The following PRKRA variants were observed in gnomAD, a reference collection of about 807,000 sequenced individuals.
PRKRA encodes protein activator of interferon induced protein kinase EIF2AK2.
A neutral mutation model predicts 32.4 loss-of-function variants in PRKRA; 22 were observed. The observed-to-expected ratio is 0.68, with a 90% CI of 0.49 to 0.97. The LOEUF (loss-of-function observed/expected upper bound fraction) is 0.97, where lower values mean the gene tolerates loss of function less well. Among genes scored for constraint, PRKRA ranks in the 50% least tolerant of loss-of-function variants. PRKRA has a pLI of 0.00. For synonymous variants in PRKRA, 139 were observed against 129.8 expected, an observed-to-expected ratio of 1.07 and a Z score of -0.48; for missense variants, 319 against 375.6, an observed-to-expected ratio of 0.85 and a Z score of 1.25.
chr2:178,432,299 T>C, intron 7 of PRKRA, 45 bp from the exon 8 acceptor site: 1 of 1,610,842 alleles, frequency 6.2e-7, no homozygotes, highest in Non-Finnish European at 8.5e-7. Context: ...CCAATATGTA[T>C]AAAGTGGATC....
In PRKRA at chr2:178,441,593, C is replaced by T; in HGVS notation, c.609+17G>A. 1 of 721,812 alleles carries T rather than the reference C, an allele frequency of 1.4e-6. No individual in the cohort carries two copies. The highest frequency in any genetic ancestry group is 2.0e-6 in the Non-Finnish European group (1 of 490,728). 44.7% of individuals were successfully genotyped at this position (721,812 alleles called of 1,614,324 possible). On this transcript the variant is annotated intron_variant, in intron 6 of 7. Transcript: ENST00000325748. ...ATGCTTAATGACATTAACATCATAG[C>T]TGTCAACATTACTCACTAAAGAAAT...
chr2:178,433,223 TG>T (rs1696742394), intron 7 of PRKRA, among the ~76,000 whole-genome samples: 1 of 152,228 alleles, frequency 6.6e-6, no homozygotes, highest in Non-Finnish European at 1.5e-5. Flanking sequence ...AATATTTCAT[TG>T]GAAGGACAGT....
In PRKRA at chr2:178,444,470, G is replaced by T. The variant is rs752108367; in HGVS notation, c.348C>A (p.Asp116Glu). 1.9e-6 allele frequency: 3 copies of T among 1,606,766 alleles called. No homozygotes were observed. The African/African-American group carries it at 4.0e-5, about 22-fold the overall frequency. The change falls in exon 4 of 8, where the codon GAC becomes GAA. Residue 116 changes from aspartate to glutamate, a missense_variant. Asp to Glu is a conservative substitution (Grantham distance 45, BLOSUM62 2). Coordinates refer to ENST00000325748, the MANE Select transcript of PRKRA (RefSeq NM_003690.5). ...GCTGGTTCTTTGGTTGCTTGGAAGGGTCAGGCATTAAGGGGTCAGGAACTG... is the reference window on the plus strand; with the variant it reads ...GCTGGTTCTTTGGTTGCTTGGAAGGTTCAGGCATTAAGGGGTCAGGAACTG... ...CFAVPDPLMPDPSKQPKNQLN... is the reference protein window; with the variant it reads ...CFAVPDPLMPEPSKQPKNQLN...
At chr2:178,441,979 G>A (rs1697135148) in intron 5 of PRKRA, among the ~76,000 whole-genome samples, 1 of 149,734 alleles carries the variant, frequency 6.7e-6, no homozygotes, top group African/African-American at 2.5e-5. Context: ...TCCGCCTCCT[G>A]GGTTCAAGCA....
In PRKRA at chr2:178,444,553, A is replaced by C. The variant is rs1697245816; in HGVS notation, c.318-53T>G. On this transcript the variant is annotated intron_variant, in intron 3 of 7. Coordinates refer to ENST00000325748, the MANE Select transcript of PRKRA (RefSeq NM_003690.5). Reference sequence around the variant, plus strand: ...ACAAAATAATTTCCCCCGAATTATGAAATAAATGACAAGCATTTTCTAATT... The same window carrying C: ...ACAAAATAATTTCCCCCGAATTATGCAATAAATGACAAGCATTTTCTAATT... 4.7e-6 allele frequency: 5 copies of C among 1,057,548 alleles called. No homozygotes were observed. The East Asian group carries it at 2.3e-4, about 49-fold the overall frequency. 65.5% of individuals were successfully genotyped at this position (1,057,548 alleles called of 1,614,324 possible). A position where few individuals can be genotyped will look rare whatever the true frequency, so the allele number is the denominator to read the frequency against.
In PRKRA at chr2:178,443,326, C is replaced by T; in HGVS notation, c.455G>A (p.Gly152Glu). 1 of 1,613,502 alleles carries T rather than the reference C, an allele frequency of 6.2e-7. No individual in the cohort carries two copies. Among genetic ancestry groups the T allele is most frequent in the Non-Finnish European group, 8.5e-7 (1 of 1,179,466 alleles). ...LPEYTLSQEG[G>E]PAHKREYTTI... ...AGTATATTCTCTCTTATGAGCAGGT[C>T]CTCCCTCCTGGGAAAGGGTATATTC... Residue 152 changes from glycine (G) to glutamate (E), a missense_variant, in exon 5 of 8, where the codon GGA (glycine) becomes GAA (glutamate). Coordinates refer to ENST00000325748, the MANE Select transcript of PRKRA (RefSeq NM_003690.5).
intron 3 of PRKRA, among the ~76,000 whole-genome samples, chr2:178,446,314 C>G (rs1479145194): frequency 6.6e-6 from 1 of 152,236 alleles, no homozygotes; most frequent in African/African-American, 2.4e-5. Flanking sequence ...CCCGCCCAGC[C>G]TGGCATAGAT....
intron 7 of PRKRA, among the ~76,000 whole-genome samples, chr2:178,435,449 G>C (rs1296557645): frequency 6.8e-6 from 1 of 147,538 alleles, no homozygotes; most frequent in Non-Finnish European, 1.5e-5. Flanking sequence ...TCTATAAATT[G>C]AATTAAAAGA....
Position 178,450,346 on chromosome 2 carries a change from A to G in PRKRA, c.131T>C (p.Met44Thr), listed in dbSNP as rs1553599437. 1 of 1,614,276 alleles carries G rather than the reference A, an allele frequency of 6.2e-7. No homozygotes were observed. The highest frequency in any genetic ancestry group is 8.5e-7 in the Non-Finnish European group (1 of 1,180,050). Residue 44 changes from methionine to threonine, a missense_variant, in exon 2 of 8, where the codon ATG (methionine) becomes ACG (threonine). Coordinates refer to ENST00000325748, the MANE Select transcript of PRKRA (RefSeq NM_003690.5). Reference sequence around the variant, plus strand: ...ATAAACTGGGATGTTCTTGGTCTTCATGCCGTATTCGTGTAATACCTGAAT... The same window carrying G: ...ATAAACTGGGATGTTCTTGGTCTTCGTGCCGTATTCGTGTAATACCTGAAT... Reference protein sequence around the residue: ...TPIQVLHEYGMKTKNIPVYEC... With the variant: ...TPIQVLHEYGTKTKNIPVYEC...
At chr2:178,436,060 T>G in intron 7 of PRKRA, 85 bp downstream of exon 7, 1 of 980,766 alleles carries the variant, frequency 1.0e-6, no homozygotes, top group Non-Finnish European at 1.4e-6. Flanking sequence ...TAATAGAAAT[T>G]TTTATTCCTC....
chr2:178,443,931 A>C (rs1697213815), intron 4 of PRKRA: 1 of 170,608 alleles, frequency 5.9e-6, no homozygotes, highest in African/African-American at 2.4e-5. Flanking sequence ...GCACATGGAT[A>C]ATCTGCAAGA....
At chr2:178,436,452 G>A in intron 6 of PRKRA, 133 bp from the exon 7 acceptor site, 9 of 759,590 alleles carry the variant, frequency 1.2e-5, no homozygotes, top group South Asian at 5.1e-5. Flanking sequence ...GATAACATTT[G>A]GTTAATTTTC....
chr2:178,433,145 C>G (rs1234185209), intron 7 of PRKRA, among the ~76,000 whole-genome samples: 3 of 152,152 alleles, frequency 2.0e-5, no homozygotes, highest in Non-Finnish European at 2.9e-5. Flanking sequence ...CCTGACCCTC[C>G]AGCTTCTGCT....
At chr2:178,446,508 A>G (rs1697316802) in intron 3 of PRKRA, among the ~76,000 whole-genome samples, 2 of 152,172 alleles carry the variant, frequency 1.3e-5, no homozygotes, top group African/African-American at 4.8e-5. Flanking sequence ...CCCTAATCCA[A>G]AAGCCTTTCT....
intron 1 of PRKRA, chr2:178,450,707 G>T (rs1697566083): frequency 5.7e-6 from 8 of 1,397,948 alleles, no homozygotes; most frequent in Non-Finnish European, 7.4e-6. Context: ...GGGAAAACCT[G>T]ACGATCCCTT....
intron 6 of PRKRA, among the ~76,000 whole-genome samples, chr2:178,438,691 T>C (rs1483825836): frequency 6.6e-6 from 1 of 151,560 alleles, no homozygotes; most frequent in Non-Finnish European, 1.5e-5. Context: ...GTTTTTTTTT[T>C]TTTCGAGTTG....
chr2:178,435,255 T>C (rs895461757), intron 7 of PRKRA, among the ~76,000 whole-genome samples: 3 of 151,034 alleles, frequency 2.0e-5, no homozygotes, highest in African/African-American at 7.3e-5. Context: ...TGGTGGTGGA[T>C]GCCTGTATTC....
At chr2:178,439,584 C>T (rs1307354839) in intron 6 of PRKRA, 13 of 152,062 alleles carry the variant, frequency 8.5e-5, no homozygotes, top group Non-Finnish European at 7.4e-5. Flanking sequence ...TTTCCAACTT[C>T]GTACTGTTTT....
chr2:178,437,294 AC>A (rs1696940322), intron 6 of PRKRA, among the ~76,000 whole-genome samples: 1 of 152,192 alleles, frequency 6.6e-6, no homozygotes, highest in Non-Finnish European at 1.5e-5. Flanking sequence ...TCTTTTCCTT[AC>A]CACCCATTCC....
Sources: allele counts gnomAD v4.1 joint callset (sites outside exome capture counted in the v4.1 genomes callset), GRCh38; gene constraint gnomAD v4.1.1; transcripts MANE v1.5; gene names NCBI Gene and HGNC (gene_info 2026-07-23, HGNC 2026-07-21).